SDK1: variants seen among roughly 807,000 people sequenced by gnomAD.
SDK1 encodes sidekick cell adhesion molecule 1.
SDK1 carries 157 observed loss-of-function variants against 245.5 expected under a neutral mutation model. That is an observed-to-expected ratio of 0.64 (90% CI 0.56 to 0.73). The LOEUF is 0.73. SDK1 is among the 30% of genes least tolerant of loss of function. The pLI is 0.00. For synonymous variants in SDK1, 1,647 were observed against 1,278.5 expected (o/e 1.29, Z -6.15); for missense variants, 3,583 against 3,002.3 (o/e 1.19, Z -4.52).
chr7:3,344,889 T>A (rs1223061305), intron 1 of SDK1, among the ~76,000 whole-genome samples: 1 of 152,206 alleles, frequency 6.6e-6, no homozygotes, highest in Non-Finnish European at 1.5e-5. Flanking sequence ...GTCTTACTGT[T>A]GTACAGTAAT....
At chr7:4,197,889 G>A (rs373788538) in intron 35 of SDK1, among the ~76,000 whole-genome samples, 2 of 152,192 alleles carry the variant, frequency 1.3e-5, no homozygotes, top group African/African-American at 4.8e-5. Flanking sequence ...CTTGCCACAC[G>A]CAAGCAGAGG....
chr7:3,639,985 C>T (rs916448721), intron 3 of SDK1, among the ~76,000 whole-genome samples: 3 of 151,948 alleles, frequency 2.0e-5, no homozygotes, highest in Non-Finnish European at 4.4e-5. Context: ...TAGCTAGGAC[C>T]ACAGGTGTGT....
chr7:4,262,245 A>G (rs1173532067), intron 44 of SDK1, among the ~76,000 whole-genome samples: 2 of 151,182 alleles, frequency 1.3e-5, no homozygotes, highest in Admixed American at 6.6e-5. Flanking sequence ...ACCGTGTTGG[A>G]CAGGCTGGTC....
chr7:4,093,587 GTC>G (rs1303452591), intron 22 of SDK1, among the ~76,000 whole-genome samples: 1 of 152,144 alleles, frequency 6.6e-6, no homozygotes, highest in Non-Finnish European at 1.5e-5. Flanking sequence ...TTTAGTGCTG[GTC>G]TCTCTGTAAC....
intron 1 of SDK1, among the ~76,000 whole-genome samples, chr7:3,371,957 A>C (rs139328572): frequency 2.2e-4 from 34 of 152,342 alleles, no homozygotes; most frequent in African/African-American, 7.7e-4. Context: ...GTTGTGAAGA[A>C]ACACAGGTTA....
intron 13 of SDK1, among the ~76,000 whole-genome samples, chr7:3,983,456 T>C (rs1783572781): frequency 6.6e-6 from 1 of 151,970 alleles, no homozygotes; most frequent in Admixed American, 6.6e-5. Context: ...TGTGACTCAC[T>C]GAAGGCTCAG....
At chr7:3,425,377 G>A (rs1779647089) in intron 1 of SDK1, among the ~76,000 whole-genome samples, 1 of 152,078 alleles carries the variant, frequency 6.6e-6, no homozygotes. Flanking sequence ...TCTGTGATTG[G>A]GAGATTGATT....
chr7:3,582,940 C>T (rs1319015141), intron 1 of SDK1, among the ~76,000 whole-genome samples: 1 of 152,070 alleles, frequency 6.6e-6, no homozygotes, highest in African/African-American at 2.4e-5. Context: ...GGGCAGATAA[C>T]CAAGCAATCG....
intron 22 of SDK1, among the ~76,000 whole-genome samples, chr7:4,083,525 C>CCTCT (rs1781198012): frequency 1.2e-5 from 1 of 83,214 alleles, no homozygotes; most frequent in Non-Finnish European, 2.4e-5. Flanking sequence ...CATTTCCACT[C>CCTCT]CTCCCTCCCT....
At chr7:4,064,828 C>G (rs1779765302) in intron 19 of SDK1, among the ~76,000 whole-genome samples, 1 of 151,876 alleles carries the variant, frequency 6.6e-6, no homozygotes, top group Non-Finnish European at 1.5e-5. Context: ...AGTTCTCACT[C>G]ATAAGTAGTA....
intron 37 of SDK1, 37 bp downstream of exon 37, chr7:4,208,322 T>C (rs754774681): frequency 1.3e-6 from 2 of 1,588,638 alleles, no homozygotes; most frequent in Non-Finnish European, 1.7e-6. Flanking sequence ...GCAGGCCTCC[T>C]TGGACACGTG....
chr7:3,961,779 T>C (rs1245268769), intron 8 of SDK1, among the ~76,000 whole-genome samples: 1 of 152,158 alleles, frequency 6.6e-6, no homozygotes, highest in East Asian at 1.9e-4. Flanking sequence ...ATACTGCCAT[T>C]GAGCACTCAC....
At chr7:4,246,619 C>T (rs1184105216) in intron 44 of SDK1, among the ~76,000 whole-genome samples, 1 of 152,158 alleles carries the variant, frequency 6.6e-6, no homozygotes, top group African/African-American at 2.4e-5. Context: ...AAGCTTCTGT[C>T]CTAGCTCCCT....
At chr7:3,426,348 A>T (rs992854361) in intron 1 of SDK1, among the ~76,000 whole-genome samples, 9 of 152,330 alleles carry the variant, frequency 5.9e-5, no homozygotes, top group East Asian at 1.9e-4. Context: ...CTGGATGGGC[A>T]GGGTGAGAGT....
intron 4 of SDK1, among the ~76,000 whole-genome samples, chr7:3,736,697 G>A (rs1029395768): frequency 4.6e-5 from 7 of 152,130 alleles, no homozygotes; most frequent in African/African-American, 7.2e-5. Flanking sequence ...GGTATACAGC[G>A]TGATGCTTTG....
chr7:3,693,352 T>G (rs952316593), intron 4 of SDK1, among the ~76,000 whole-genome samples: 2 of 152,200 alleles, frequency 1.3e-5, no homozygotes, highest in African/African-American at 4.8e-5. Flanking sequence ...TTCATAGTGT[T>G]ACTTCCTCAT....
intron 22 of SDK1, 26 bp downstream of exon 22, chr7:4,079,610 T>C (rs374784613): frequency 3.7e-6 from 6 of 1,613,344 alleles, no homozygotes; most frequent in Non-Finnish European, 5.1e-6. Flanking sequence ...GACTGGGAGC[T>C]GGCATTTGCG....
At chr7:4,074,884 C>CTCTA (rs1377225405) in intron 20 of SDK1, among the ~76,000 whole-genome samples, 1 of 62,488 alleles carries the variant, frequency 1.6e-5, no homozygotes, top group East Asian at 3.1e-4. Context: ...CTCTCTCTCT[C>CTCTA]TGTATATATA....
chr7:3,364,265 C>G (rs1366391415), intron 1 of SDK1, among the ~76,000 whole-genome samples: 2 of 152,060 alleles, frequency 1.3e-5, no homozygotes, highest in African/African-American at 4.8e-5. Flanking sequence ...GGGTCTTTTG[C>G]GTAGAAAATG....
Sources: gnomAD v4.1 joint callset for allele counts (sites outside exome capture counted in the v4.1 genomes callset) on GRCh38, gnomAD v4.1.1 for gene constraint, MANE v1.5 for transcripts, NCBI Gene and HGNC (gene_info 2026-07-23, HGNC 2026-07-21) for gene names.